PRELID2: variants seen among roughly 807,000 people sequenced by gnomAD.
The protein encoded by PRELID2 is PRELI domain-containing protein 2.
A neutral mutation model predicts 28.4 loss-of-function variants in PRELID2; 25 were observed. That is an observed-to-expected ratio of 0.88 (90% CI 0.64 to 1.23). The LOEUF is 1.23. PRELID2 is among the 50% of genes most tolerant of loss of function. The probability of loss-of-function intolerance (pLI) is 0.00; values close to 1 mark genes in which losing one functional copy is unlikely to be tolerated. For synonymous variants in PRELID2, 76 were observed against 71.6 expected (o/e 1.06, Z -0.31); for missense variants, 201 against 214.4 (o/e 0.94, Z 0.39).
the PRELID2 span, among the ~76,000 whole-genome samples, chr5:145,438,553 G>T: frequency 6.6e-6 from 1 of 152,086 alleles, no homozygotes; most frequent in Middle Eastern, 3.2e-3. Context: ...AATATAAACT[G>T]TCAGGATTTT....
At chr5:145,269,982 G>A in the PRELID2 span, among the ~76,000 whole-genome samples, 3 of 150,860 alleles carry the variant, frequency 2.0e-5, no homozygotes, top group East Asian at 3.9e-4. Context: ...TGGCTTATGA[G>A]CACATAAATA....
intron 5 of PRELID2, among the ~76,000 whole-genome samples, chr5:145,793,491 T>C (rs948190235): frequency 3.3e-5 from 5 of 151,896 alleles, no homozygotes; most frequent in Non-Finnish European, 7.4e-5. Context: ...CCAGAAAAAA[T>C]GACCACTTGG....
the PRELID2 span, among the ~76,000 whole-genome samples, chr5:145,461,912 G>A: frequency 6.6e-6 from 1 of 152,202 alleles, no homozygotes; most frequent in African/African-American, 2.4e-5. Context: ...ACTGTGAGCA[G>A]AAATACATGG....
At chr5:145,297,374 T>C in the PRELID2 span, among the ~76,000 whole-genome samples, 1 of 152,030 alleles carries the variant, frequency 6.6e-6, no homozygotes, top group Admixed American at 6.6e-5. Context: ...AACCACATGA[T>C]TATCTCAATA....
intron 1 of PRELID2, among the ~76,000 whole-genome samples, chr5:145,709,403 T>C (rs531222484): frequency 5.9e-5 from 9 of 152,134 alleles, no homozygotes; most frequent in Non-Finnish European, 1.3e-4. Flanking sequence ...TTTGGTGAGA[T>C]TGGTGGGAGA....
chr5:145,411,715 C>T, the PRELID2 span, among the ~76,000 whole-genome samples: 4 of 152,288 alleles, frequency 2.6e-5, no homozygotes, highest in East Asian at 5.8e-4. Context: ...TGTGTGGGGG[C>T]TCTAATCCCA....
At chr5:145,600,432 A>ATATAT (rs1339137784) in intron 1 of PRELID2, among the ~76,000 whole-genome samples, 37 of 127,594 alleles carry the variant, frequency 2.9e-4, no homozygotes, top group Middle Eastern at 3.4e-3. Flanking sequence ...AAAAAAAAAA[A>ATATAT]AAATATATAT....
chr5:145,347,777 T>C, the PRELID2 span, among the ~76,000 whole-genome samples: 1 of 152,096 alleles, frequency 6.6e-6, no homozygotes, highest in Non-Finnish European at 1.5e-5. Flanking sequence ...TAATATAAGA[T>C]GTTAATAATA....
At chr5:145,347,565 T>C in the PRELID2 span, among the ~76,000 whole-genome samples, 1 of 152,142 alleles carries the variant, frequency 6.6e-6, no homozygotes, top group African/African-American at 2.4e-5. Flanking sequence ...GTGGTGGCTA[T>C]TTTATTATCC....
At chr5:145,824,425 C>CGTGTGTGTGTGTGTGTGTGTGT (rs369429281) in intron 1 of PRELID2, among the ~76,000 whole-genome samples, 10 of 96,160 alleles carry the variant, frequency 1.0e-4, no homozygotes, top group African/African-American at 1.5e-4. Context: ...CCACAGCAGG[C>CGTGTGTGTGTGTGTGTGTGTGT]GTGTGTGTGT....
intron 1 of PRELID2, among the ~76,000 whole-genome samples, chr5:145,696,922 G>A (rs1448502479): frequency 1.3e-5 from 2 of 150,692 alleles, no homozygotes; most frequent in Non-Finnish European, 3.0e-5. Context: ...ACCACTTTTG[G>A]TAATAAAGGC....
intron 1 of PRELID2, among the ~76,000 whole-genome samples, chr5:145,602,502 G>T (rs1240964079): frequency 1.3e-5 from 2 of 152,008 alleles, no homozygotes; most frequent in African/African-American, 4.8e-5. Flanking sequence ...ACAGACAACA[G>T]AAATAGACAC....
chr5:145,352,282 T>C, the PRELID2 span, among the ~76,000 whole-genome samples: 1 of 152,144 alleles, frequency 6.6e-6, no homozygotes. Context: ...TTTCCATACA[T>C]CCTCTGAAAT....
chr5:145,624,559 A>C lies in PRELID2; in HGVS notation n.70+140372T>G, dbSNP rs191156412. On this transcript the variant is annotated intron_variant and non_coding_transcript_variant, in intron 1 of 2. Transcript: ENST00000510259. ...ATGCCATAAGGGAAAAACTGAAACT[A>C]TGTATCTTTTCTTATCCCATACACA... is the stretch of plus-strand genomic sequence containing the variant. Among the ~76,000 whole-genome samples the C allele has an allele frequency of 2.4e-4, 37 of 152,322 alleles. No individual in the cohort carries two copies. In the East Asian group the frequency reaches 6.7e-3, roughly 28 times the overall value.
At chr5:145,514,092 G>A (rs540000522) in intron 1 of PRELID2, among the ~76,000 whole-genome samples, 13 of 152,092 alleles carry the variant, frequency 8.5e-5, no homozygotes, top group African/African-American at 2.2e-4. Context: ...ATGAACTAAC[G>A]GGCAAAATTA....
chr5:145,406,060 GAAC>G, the PRELID2 span, among the ~76,000 whole-genome samples: 6 of 151,936 alleles, frequency 3.9e-5, no homozygotes, highest in Admixed American at 1.3e-4. Context: ...GGGATCACAA[GAAC>G]AACACCATGG....
chr5:145,785,352 T>C (rs1751924676), intron 5 of PRELID2, among the ~76,000 whole-genome samples: 1 of 152,242 alleles, frequency 6.6e-6, no homozygotes, highest in Non-Finnish European at 1.5e-5. Context: ...TGTTTCACAC[T>C]GAACAATCTT....
At chr5:145,343,605 G>C in the PRELID2 span, among the ~76,000 whole-genome samples, 1 of 151,144 alleles carries the variant, frequency 6.6e-6, no homozygotes, top group Non-Finnish European at 1.5e-5. Flanking sequence ...TGTACTTCAA[G>C]GAATTAGAAA....
At chr5:145,724,449 C>T (rs1452520370) in intron 1 of PRELID2, among the ~76,000 whole-genome samples, 1 of 150,302 alleles carries the variant, frequency 6.7e-6, no homozygotes, top group African/African-American at 2.4e-5. Context: ...TCTATAATAC[C>T]AATATTAAGG....
Sources: allele counts gnomAD v4.1 joint callset (sites outside exome capture counted in the v4.1 genomes callset), GRCh38; gene constraint gnomAD v4.1.1; transcripts MANE v1.5; gene names NCBI Gene and HGNC (gene_info 2026-07-23, HGNC 2026-07-21).